Variants in INPP5B observed in about 807,000 individuals in gnomAD.
The protein encoded by INPP5B is inositol polyphosphate-5-phosphatase B.
Under a neutral mutation model 118.5 loss-of-function variants are expected in INPP5B, and 90 were observed. The observed-to-expected ratio is 0.76, with a 90% confidence interval of 0.64 to 0.90. INPP5B has a LOEUF of 0.90. INPP5B is among the 40% of genes least tolerant of loss of function. The pLI is 0.00. For missense variants in INPP5B, 984 were observed against 1,125.6 expected (o/e 0.87, Z 1.80); for synonymous variants, 385 against 418.9 (o/e 0.92, Z 0.99).
At chr1:37,883,696 G>T (rs1176944494) in intron 13 of INPP5B, 1 of 985,266 alleles carries the variant, frequency 1.0e-6, no homozygotes, top group African/African-American at 1.7e-5. Context: ...CACCAGAATG[G>T]AAGAGCTCGG....
chr1:37,932,058 G>A lies in INPP5B; in HGVS notation c.392-5C>T. On this transcript the variant is annotated splice_region_variant and splice_polypyrimidine_tract_variant and intron_variant, in intron 6 of 23. Coordinates refer to ENST00000373024, the MANE Select transcript of INPP5B (RefSeq NM_005540.3). Reference sequence around the variant, plus strand: ...CCCGGGTCGCAGAATCGAAGCCTGTGCAGGAACAAATGGGGGCAGACTGAG... The same window carrying A: ...CCCGGGTCGCAGAATCGAAGCCTGTACAGGAACAAATGGGGGCAGACTGAG... 1.3e-6 allele frequency: 2 copies of A among 1,583,734 alleles called. No homozygotes were observed. Among genetic ancestry groups the A allele is most frequent in the Non-Finnish European group, 1.7e-6 (2 of 1,164,066 alleles).
At chr1:37,937,137 C>A (rs1645728251) in intron 6 of INPP5B, among the ~76,000 whole-genome samples, 1 of 151,388 alleles carries the variant, frequency 6.6e-6, no homozygotes, top group African/African-American at 2.4e-5. Flanking sequence ...ATGGTGAAAC[C>A]CCGTCTTTAT....
At chr1:37,896,417 GA>G (rs1158712096) in intron 7 of INPP5B, among the ~76,000 whole-genome samples, 2 of 151,598 alleles carry the variant, frequency 1.3e-5, no homozygotes, top group South Asian at 2.1e-4. Context: ...GTCCGGGAGG[GA>G]GGTGGGGGGG....
At chr1:37,921,343 C>A (rs1397798385) in intron 7 of INPP5B, among the ~76,000 whole-genome samples, 1 of 152,162 alleles carries the variant, frequency 6.6e-6, no homozygotes, top group Non-Finnish European at 1.5e-5. Flanking sequence ...GGGCAGGTAA[C>A]TCTTGAGTGA....
At chr1:37,869,425 G>A (rs1297888103) in intron 19 of INPP5B, among the ~76,000 whole-genome samples, 4 of 151,742 alleles carry the variant, frequency 2.6e-5, no homozygotes, top group South Asian at 4.2e-4. Flanking sequence ...GATTACAGGC[G>A]TGAGCCACCA....
chr1:37,944,793 G>A (rs927731677), intron 3 of INPP5B, among the ~76,000 whole-genome samples: 3 of 151,470 alleles, frequency 2.0e-5, no homozygotes, highest in Admixed American at 6.6e-5. Context: ...CGGGAGGTGG[G>A]GCGGGGTAGG....
intron 17 of INPP5B, among the ~76,000 whole-genome samples, chr1:37,875,276 C>CTT (rs146816630): frequency 3.6e-4 from 54 of 150,400 alleles, no homozygotes; most frequent in African/African-American, 1.2e-3. Flanking sequence ...CAACACTAAT[C>CTT]TTTTTTTTTT....
Position 37,931,960 on chromosome 1 carries a change from C to T in INPP5B, c.485G>A (p.Cys162Tyr). Residue 162 changes from cysteine (C) to tyrosine (Y), a missense_variant, in exon 7 of 24, where the codon TGT becomes TAT. Around this residue, in one of 2 missense-constraint regions of INPP5B, gnomAD observed 350 missense variants for 334.6 expected, o/e 1.05. Transcript: ENST00000373024. Reference sequence around the variant, plus strand: ...TGGCCAGGTAACTAGGGCCGAGTTACAACCGCGCGGCGTTGGCATCTCCAG... The same window carrying T: ...TGGCCAGGTAACTAGGGCCGAGTTATAACCGCGCGGCGTTGGCATCTCCAG... Reference protein sequence around the residue: ...LELEMPTPRGCNSALVTWPGY... With the variant: ...LELEMPTPRGYNSALVTWPGY... 1 of 1,613,952 alleles carries T rather than the reference C, an allele frequency of 6.2e-7. No individual in the cohort carries two copies. Among genetic ancestry groups the T allele is most frequent in the Non-Finnish European group, 8.5e-7 (1 of 1,179,928 alleles).
chr1:37,922,540 C>G (rs1050171710), intron 7 of INPP5B, among the ~76,000 whole-genome samples: 9 of 149,306 alleles, frequency 6.0e-5, no homozygotes, highest in Non-Finnish European at 1.2e-4. Flanking sequence ...CTAAAAAATA[C>G]AAAAAACTAG....
At chr1:37,938,061 A>G (rs1435973245) in intron 6 of INPP5B, among the ~76,000 whole-genome samples, 1 of 151,158 alleles carries the variant, frequency 6.6e-6, no homozygotes, top group African/African-American at 2.4e-5. Flanking sequence ...TCACGAGGTC[A>G]GGAGTTCAAG....
chr1:37,869,728 C>T (rs1048857078), intron 19 of INPP5B, among the ~76,000 whole-genome samples: 1 of 151,392 alleles, frequency 6.6e-6, no homozygotes, highest in Non-Finnish European at 1.5e-5. Context: ...GATCCACCCG[C>T]CTCAGCCTCC....
rs940042021 is a variant in INPP5B, at chr1:37,907,831, C to T, written c.533-16377G>A. On this transcript the variant is annotated intron_variant, in intron 7 of 23. Transcript: ENST00000373024. This position sits in a 1 kb window ranked among gnomAD's most constrained non-coding sequence, Gnocchi z 4.3. ...TGAATAATCTGTCAGGCCTCTGAGCCCAAGCTAAGCCATCATATCCCCTGT... is the reference window on the plus strand; with the variant it reads ...TGAATAATCTGTCAGGCCTCTGAGCTCAAGCTAAGCCATCATATCCCCTGT... Among the ~76,000 whole-genome samples, 1 of 152,050 alleles carries T rather than the reference C, an allele frequency of 6.6e-6. No homozygotes were observed. Among genetic ancestry groups the T allele is most frequent in the Admixed American group, 6.6e-5 (1 of 15,254 alleles).
chr1:37,886,178 A>AAAAC (rs1234826190), intron 12 of INPP5B, among the ~76,000 whole-genome samples: 3 of 151,802 alleles, frequency 2.0e-5, no homozygotes, highest in East Asian at 3.9e-4. Flanking sequence ...CTCCATCTCA[A>AAAAC]AAACAAACAA....
intron 21 of INPP5B, 21 bp from the exon 22 acceptor site, chr1:37,865,909 G>A: frequency 6.2e-7 from 1 of 1,610,302 alleles, no homozygotes; most frequent in South Asian, 1.1e-5. Context: ...CATTGTTAAG[G>A]AACCGATAAT....
Position 37,862,253 on chromosome 1 carries a change from T to G in INPP5B, c.*62A>C, listed in dbSNP as rs932664331. 1 of 1,083,144 alleles carries G rather than the reference T, an allele frequency of 9.2e-7. No homozygotes were observed. Among genetic ancestry groups the G allele is most frequent in the Non-Finnish European group, 1.4e-6 (1 of 702,120 alleles). 67.1% of individuals were successfully genotyped at this position (1,083,144 alleles called of 1,614,324 possible). On this transcript the variant is annotated 3_prime_UTR_variant, in exon 24 of 24. Transcript: ENST00000373024. ...CACATAATTATCTTAAGGCATCTCT[T>G]GAGCTGAAACAGGTGGGGCTGGTAA... is the stretch of plus-strand genomic sequence containing the variant.
In INPP5B at chr1:37,908,012, G is replaced by A. The variant is rs530299054; in HGVS notation, c.533-16558C>T. Among the ~76,000 whole-genome samples, 53 of 151,810 alleles carry A rather than the reference G, an allele frequency of 3.5e-4. No homozygotes were observed. In the South Asian group the frequency reaches 0.011, roughly 31 times the overall value. On this transcript the variant is annotated intron_variant, in intron 7 of 23. Coordinates refer to ENST00000373024, the MANE Select transcript of INPP5B (RefSeq NM_005540.3). ...TCCCCCGCCCTTAAGAAGGTACTTT[G>A]TAATATTCTCCCCCGCCCTTAAGAA...
intron 7 of INPP5B, among the ~76,000 whole-genome samples, chr1:37,922,409 T>C (rs1430090326): frequency 6.6e-6 from 1 of 150,786 alleles, no homozygotes; most frequent in South Asian, 2.1e-4. Context: ...TAAGCTGGGC[T>C]CCGTTTCAAA....
At chr1:37,933,440 C>T (rs1355563537) in intron 6 of INPP5B, among the ~76,000 whole-genome samples, 1 of 151,992 alleles carries the variant, frequency 6.6e-6, no homozygotes, top group Non-Finnish European at 1.5e-5. Flanking sequence ...CCCAGCTACT[C>T]GGGAGGCTGA....
At chr1:37,909,706 C>G (rs980490118) in intron 7 of INPP5B, among the ~76,000 whole-genome samples, 3 of 151,892 alleles carry the variant, frequency 2.0e-5, no homozygotes, top group African/African-American at 7.2e-5. Context: ...CCACTCCTGA[C>G]ATTAGAAAAA....
Sources: gnomAD v4.1 joint callset for allele counts (sites outside exome capture counted in the v4.1 genomes callset) on GRCh38, gnomAD v4.1.1 for gene constraint, gnomAD v4.1.1 regional missense constraint, Gnocchi (gnomAD v3.1) non-coding constraint, MANE v1.5 for transcripts, NCBI Gene and HGNC (gene_info 2026-07-23, HGNC 2026-07-21) for gene names.